Variants in CLIP1 observed in about 807,000 individuals in gnomAD.
CLIP1 encodes the protein CAP-Gly domain containing linker protein 1.
In CLIP1, 66 loss-of-function variants were observed where a neutral mutation model predicts 161.6. The observed-to-expected ratio is 0.41, with a 90% CI of 0.33 to 0.50. The LOEUF is 0.50. Among genes scored for constraint, CLIP1 ranks in the 20% least tolerant of loss-of-function variants. CLIP1 has a pLI of 0.27. For missense variants in CLIP1, 1,376 were observed against 1,702.0 expected (o/e 0.81, Z 3.37); for synonymous variants, 598 against 626.2 (o/e 0.96, Z 0.67).
intron 11 of CLIP1, 56 bp downstream of exon 11, chr12:122,340,697 A>C: frequency 7.1e-7 from 1 of 1,404,742 alleles, no homozygotes; most frequent in Non-Finnish European, 9.7e-7. Flanking sequence ...AAGTAACATA[A>C]TGCAAAACAA....
chr12:122,347,294 G>C (rs1223080359), intron 10 of CLIP1, 81 bp downstream of exon 10: 1 of 1,064,538 alleles, frequency 9.4e-7, no homozygotes, highest in Non-Finnish European at 1.4e-6. Context: ...TCAAGGCTCA[G>C]GCCAACTATA....
In CLIP1 at chr12:122,279,172, C is replaced by T; in HGVS notation, c.3648-27G>A. The T allele has an allele frequency of 6.7e-7, 1 of 1,491,858 alleles. No individual in the cohort carries two copies. The highest frequency in any genetic ancestry group is 9.3e-7 in the Non-Finnish European group (1 of 1,080,306). The allele number at this position is 1,491,858 out of a possible 1,614,324, so 92.4% of individuals were successfully genotyped here. On this transcript the variant is annotated intron_variant, in intron 21 of 25. Transcript: ENST00000620786. This position sits in a 1 kb window ranked among gnomAD's most constrained non-coding sequence, Gnocchi z 4.5. Reference sequence around the variant, plus strand: ...TAAAAGACCAAAGAGTTAAAAGTTCCACAAATCAACCGAAAGACTGGTCAG... The same window carrying T: ...TAAAAGACCAAAGAGTTAAAAGTTCTACAAATCAACCGAAAGACTGGTCAG...
intron 21 of CLIP1, among the ~76,000 whole-genome samples, chr12:122,281,583 C>T (rs1309758181): frequency 6.6e-6 from 1 of 151,670 alleles, no homozygotes; most frequent in African/African-American, 2.4e-5. Context: ...GTTGTCCCAG[C>T]TACTAGGGAA....
chr12:122,273,065 C>T lies in CLIP1; in HGVS notation c.4127G>A (p.Arg1376His), dbSNP rs1367533743. The change falls in exon 26 of 26, where the codon CGC (arginine) becomes CAC (histidine). Residue 1376 changes from arginine (R) to histidine (H), a missense_variant. This residue lies in a region of CLIP1 where 948 missense variants were observed against 1,134.8 expected (regional missense o/e 0.84). Transcript: ENST00000620786. ...GCAGTCACAAATGTCACAGAAGAGG[C>T]GAGGTTTCTTCTTGGACTGTTTCTC... ...DQEKQSKKKP[R>H]LFCDICDCFD... 6 of 1,613,952 alleles carry T rather than the reference C, an allele frequency of 3.7e-6. No individual in the cohort carries two copies. Among genetic ancestry groups the T allele is most frequent in the African/African-American group, 2.7e-5 (2 of 74,878 alleles).
intron 1 of CLIP1, among the ~76,000 whole-genome samples, chr12:122,411,915 C>T (rs929301257): frequency 4.0e-5 from 6 of 151,766 alleles, no homozygotes; most frequent in Non-Finnish European, 8.8e-5. Flanking sequence ...TGCATAACTG[C>T]GAATATACTA....
intron 5 of CLIP1, among the ~76,000 whole-genome samples, chr12:122,360,410 C>CAAAA (rs34294939): frequency 5.4e-4 from 47 of 87,294 alleles, no homozygotes; most frequent in Non-Finnish European, 7.5e-4. Context: ...CCTCTCTCTA[C>CAAAA]AAAAAAAAAA....
intron 1 of CLIP1, among the ~76,000 whole-genome samples, chr12:122,402,964 G>A (rs1053894820): frequency 6.6e-6 from 1 of 152,062 alleles, no homozygotes; most frequent in Non-Finnish European, 1.5e-5. Context: ...TGCTCAATAC[G>A]TGATTATGTG....
At chr12:122,283,568 G>A (rs1410852582) in intron 21 of CLIP1, among the ~76,000 whole-genome samples, 1 of 149,990 alleles carries the variant, frequency 6.7e-6, no homozygotes, top group African/African-American at 2.5e-5. Flanking sequence ...AAGCAACTCT[G>A]CTGCCTCAGA....
rs1955350746 is a variant in CLIP1 at position 122,387,567 on chromosome 12, TATATATATATATATA to T, written c.-106-7024_-106-7010del. Among the ~76,000 whole-genome samples the T allele has an allele frequency of 1.9e-4, 4 of 21,218 alleles. 1 individual carries two copies. Among genetic ancestry groups the T allele is most frequent in the East Asian group, 1.7e-3 (1 of 602 alleles). 13.9% of individuals were successfully genotyped at this position (21,218 alleles called of 152,430 possible). A position where few individuals can be genotyped will look rare whatever the true frequency, so the allele number is the denominator to read the frequency against. On this transcript the variant is annotated intron_variant, in intron 1 of 25. Coordinates refer to ENST00000620786, the MANE Select transcript of CLIP1 (RefSeq NM_001247997.2). ...CTTTTCATATATATATATATATATA[TATATATATATATATA>T]TATATATATTTTTTTTTTTTTTTTT... is the stretch of plus-strand genomic sequence containing the variant.
At chr12:122,401,250 A>G (rs1312389565) in intron 1 of CLIP1, among the ~76,000 whole-genome samples, 1 of 152,150 alleles carries the variant, frequency 6.6e-6, no homozygotes, top group Non-Finnish European at 1.5e-5. Context: ...AAGGGTGGGT[A>G]TGGTGGTTCA....
rs1376321453 is a variant in CLIP1 at position 122,341,341 on chromosome 12, A to G, written c.1863T>C (p.Ala621=). 6.2e-7 allele frequency: 1 copy of G among 1,613,920 alleles called. No individual in the cohort carries two copies. Among genetic ancestry groups the G allele is most frequent in the Non-Finnish European group, 8.5e-7 (1 of 1,180,026 alleles). ...CAGTCTCCAGTTTGGACTTCCATAG[A>G]GCTATCACATCTGAGTTCTCTTTGT... The part of the protein sequence containing the change: ...HANKENSDVI[A]LWKSKLETAI... The change falls in exon 11 of 26, where the codon GCT becomes GCC. Residue 621 remains alanine (A), a synonymous_variant. Transcript: ENST00000620786.
At chr12:122,326,715 C>A (rs907205913) in intron 17 of CLIP1, among the ~76,000 whole-genome samples, 2 of 151,980 alleles carry the variant, frequency 1.3e-5, no homozygotes, top group African/African-American at 4.8e-5. Context: ...CTTACATCAG[C>A]TTCTGCGATG....
At chr12:122,318,990 G>A (rs1291937892) in intron 18 of CLIP1, among the ~76,000 whole-genome samples, 2 of 152,182 alleles carry the variant, frequency 1.3e-5, no homozygotes, top group African/African-American at 4.8e-5. Context: ...CCTCTCACTA[G>A]TGCCATCAGT....
chr12:122,400,028 G>A (rs947341687), intron 1 of CLIP1: 5 of 152,122 alleles, frequency 3.3e-5, no homozygotes, highest in African/African-American at 1.2e-4. Context: ...GTCCCCTGAA[G>A]TCACGGTTAC....
intron 1 of CLIP1, among the ~76,000 whole-genome samples, chr12:122,405,843 C>T (rs370835076): frequency 1.3e-5 from 2 of 150,578 alleles, no homozygotes; most frequent in Non-Finnish European, 3.0e-5. Context: ...ACAAGGCGAG[C>T]GGATCACCTG....
At chr12:122,318,966 G>C (rs1391546119) in intron 18 of CLIP1, among the ~76,000 whole-genome samples, 1 of 152,198 alleles carries the variant, frequency 6.6e-6, no homozygotes, top group East Asian at 1.9e-4. Flanking sequence ...AGCTAGAGCA[G>C]GCCATCAGTA....
At chr12:122,385,772 A>G (rs908847955) in intron 1 of CLIP1, among the ~76,000 whole-genome samples, 5 of 152,202 alleles carry the variant, frequency 3.3e-5, no homozygotes, top group Non-Finnish European at 5.9e-5. Context: ...AAATAGTAAC[A>G]TATCAGCAGG....
intron 20 of CLIP1, among the ~76,000 whole-genome samples, chr12:122,289,698 A>C (rs1272626318): frequency 6.6e-6 from 1 of 152,224 alleles, no homozygotes; most frequent in African/African-American, 2.4e-5. Context: ...AAGGATAAAA[A>C]ACAAAAGATT....
chr12:122,286,985 G>A (rs578034348), intron 21 of CLIP1, among the ~76,000 whole-genome samples: 2 of 152,028 alleles, frequency 1.3e-5, no homozygotes, highest in South Asian at 2.1e-4. Flanking sequence ...GCGACAGAGC[G>A]AGAGTCTGCC....
Sources: allele counts gnomAD v4.1 joint callset (sites outside exome capture counted in the v4.1 genomes callset), GRCh38; gene constraint gnomAD v4.1.1; regional missense constraint gnomAD v4.1.1; non-coding constraint Gnocchi (gnomAD v3.1); transcripts MANE v1.5; gene names NCBI Gene and HGNC (gene_info 2026-07-23, HGNC 2026-07-21).